STAT3: variants seen among roughly 807,000 people sequenced by gnomAD.
STAT3 encodes signal transducer and activator of transcription 3, also known as DNA-binding protein APRF.
STAT3 carries 7 observed loss-of-function variants against 114.3 expected under a neutral mutation model. The ratio of observed to expected loss-of-function variants is 0.06; its 90% CI spans 0.03 to 0.11. The LOEUF (loss-of-function observed/expected upper bound fraction) is 0.11. Ranked by LOEUF, STAT3 falls within the 10% of genes least tolerant of loss-of-function variation. The pLI, the probability that STAT3 is intolerant of heterozygous loss-of-function variation, is 1.00. For missense variants in STAT3, 364 were observed against 960.9 expected (o/e 0.38, Z 8.21); for synonymous variants, 331 against 354.5 (o/e 0.93, Z 0.74).
At chr17:42,329,813 C>T in intron 11 of STAT3, 37 bp from the exon 12 acceptor site, 1 of 1,612,578 alleles carries the variant, frequency 6.2e-7, no homozygotes, top group South Asian at 1.1e-5. Context: ...AAAATAGGCT[C>T]TGTGTTTCTT....
chr17:42,340,559 G>A (rs2082404435), intron 4 of STAT3, among the ~76,000 whole-genome samples: 1 of 151,768 alleles, frequency 6.6e-6, no homozygotes, highest in Admixed American at 6.6e-5. Context: ...GCATATACCT[G>A]TAGTTCTAGC....
intron 1 of STAT3, among the ~76,000 whole-genome samples, chr17:42,370,273 T>C (rs962933986): frequency 2.1e-5 from 3 of 140,732 alleles, no homozygotes; most frequent in Non-Finnish European, 4.6e-5. Flanking sequence ...TGAGACAGAG[T>C]CTTGCTCTGT....
chr17:42,359,129 G>C (rs988360465), intron 1 of STAT3, among the ~76,000 whole-genome samples: 1 of 151,802 alleles, frequency 6.6e-6, no homozygotes, highest in Non-Finnish European at 1.5e-5. Flanking sequence ...TAAAGAGGGG[G>C]TTTCATCGTG....
chr17:42,381,202 C>G (rs916675512), intron 1 of STAT3, among the ~76,000 whole-genome samples: 1 of 152,142 alleles, frequency 6.6e-6, no homozygotes, highest in Non-Finnish European at 1.5e-5. Flanking sequence ...CTCAAACATA[C>G]CAACCAAGTG....
intron 1 of STAT3, among the ~76,000 whole-genome samples, chr17:42,371,969 G>A (rs564440101): frequency 3.9e-5 from 6 of 152,174 alleles, no homozygotes; most frequent in African/African-American, 1.4e-4. Flanking sequence ...GGCAACAAGA[G>A]TGAAACTGTG....
intron 1 of STAT3, among the ~76,000 whole-genome samples, chr17:42,378,952 A>G (rs1423109734): frequency 1.3e-5 from 2 of 152,226 alleles, no homozygotes; most frequent in African/African-American, 4.8e-5. Context: ...CAGGTGCTCA[A>G]GTTCAGACTC....
chr17:42,358,518 G>A (rs1029327853), intron 1 of STAT3, among the ~76,000 whole-genome samples: 3 of 152,126 alleles, frequency 2.0e-5, no homozygotes, highest in African/African-American at 7.2e-5. Context: ...CCTAAGAACA[G>A]GTCTGAGCTC....
intron 2 of STAT3, among the ~76,000 whole-genome samples, chr17:42,347,930 T>C (rs902490716): frequency 2.0e-5 from 3 of 152,202 alleles, no homozygotes; most frequent in Non-Finnish European, 2.9e-5. Flanking sequence ...TCTTTTCTTA[T>C]AAATTACCCA....
intron 1 of STAT3, among the ~76,000 whole-genome samples, chr17:42,353,762 C>T (rs977085831): frequency 1.3e-5 from 2 of 152,092 alleles, no homozygotes. Context: ...TTTGTAGAGA[C>T]AAGGTCTCAT....
intron 11 of STAT3, among the ~76,000 whole-genome samples, chr17:42,331,206 A>C (rs1174845283): frequency 6.6e-6 from 1 of 152,254 alleles, no homozygotes; most frequent in African/African-American, 2.4e-5. Flanking sequence ...TATAATATGC[A>C]TGAATGACAT....
chr17:42,321,554 C>T (rs923881929), intron 21 of STAT3, among the ~76,000 whole-genome samples: 3 of 152,196 alleles, frequency 2.0e-5, no homozygotes, highest in Admixed American at 6.5e-5. Context: ...CCCCTTCAAA[C>T]GTGATGCTCC....
intron 4 of STAT3, among the ~76,000 whole-genome samples, chr17:42,345,222 G>A (rs964846443): frequency 5.3e-5 from 8 of 151,050 alleles, no homozygotes; most frequent in African/African-American, 1.5e-4. Flanking sequence ...CCAAGATCGC[G>A]CCATTGCACT....
In STAT3 at chr17:42,341,745, G is replaced by A. The variant is rs561438091; in HGVS notation, c.373-2336C>T. On this transcript the variant is annotated intron_variant, in intron 4 of 23. Transcript: ENST00000264657. ...CAAACTTTTTCTCTAAGGGACAGAG[G>A]GTAAATATTTTTGGTTTCCTGGGTC... Among the ~76,000 whole-genome samples the A allele has an allele frequency of 8.5e-5, 13 of 152,110 alleles. No individual in the cohort carries two copies. The South Asian group carries it at 2.7e-3, about 32-fold the overall frequency.
At chr17:42,362,178 T>C (rs1182622232) in intron 1 of STAT3, among the ~76,000 whole-genome samples, 1 of 152,192 alleles carries the variant, frequency 6.6e-6, no homozygotes, top group Non-Finnish European at 1.5e-5. Context: ...TATAAATTAC[T>C]GTCAAGCTCG....
At chr17:42,373,409 G>A (rs376866152) in intron 1 of STAT3, among the ~76,000 whole-genome samples, 4 of 151,300 alleles carry the variant, frequency 2.6e-5, no homozygotes, top group East Asian at 2.0e-4. Context: ...AAAACTAGCC[G>A]GGTATGGTGG....
chr17:42,381,754 T>C (rs148283321), intron 1 of STAT3, among the ~76,000 whole-genome samples: 1 of 150,738 alleles, frequency 6.6e-6, no homozygotes, highest in African/African-American at 2.4e-5. Flanking sequence ...AAAAAGGAAT[T>C]TGGAATAAAT....
rs996965962 is a variant in STAT3, at chr17:42,333,040, G to A, written c.1049+633C>T. On this transcript the variant is annotated intron_variant, in intron 10 of 23. Coordinates refer to ENST00000264657, the MANE Select transcript of STAT3 (RefSeq NM_139276.3). This position sits in a 1 kb window ranked among gnomAD's most constrained non-coding sequence, Gnocchi z 5.2. ...TGAGTATCACTCCTTCAAGCCAAAG[G>A]TACTGAGAAAACATCTAAGAACTAA... is the stretch of plus-strand genomic sequence containing the variant. Among the ~76,000 whole-genome samples the A allele has an allele frequency of 6.6e-6, 1 of 152,098 alleles. No individual in the cohort carries two copies. The highest frequency in any genetic ancestry group is 6.6e-5 in the Admixed American group (1 of 15,254).
At chr17:42,321,443 CAT>C (rs2081479929) in intron 21 of STAT3, among the ~76,000 whole-genome samples, 2 of 151,980 alleles carry the variant, frequency 1.3e-5, no homozygotes, top group African/African-American at 2.4e-5. Context: ...TTATATATAA[CAT>C]ATAAGTACAT....
In STAT3 at chr17:42,314,192, C is replaced by CCT; in HGVS notation, c.*1552_*1553insAG. 1 of 232,598 alleles carries CCT rather than the reference C, an allele frequency of 4.3e-6. No individual in the cohort carries two copies. The allele number at this position is 232,598 out of a possible 1,614,324, so 14.4% of individuals were successfully genotyped here. On this transcript the variant is annotated 3_prime_UTR_variant, in exon 24 of 24. Coordinates refer to ENST00000264657, the MANE Select transcript of STAT3 (RefSeq NM_139276.3). Reference sequence around the variant, plus strand: ...GGGAGGCCAGGTATACACCCTCATACGAGGGCAGACTCAAGTTTATCAGTA... The same window carrying CCT: ...GGGAGGCCAGGTATACACCCTCATACCTGAGGGCAGACTCAAGTTTATCAGTA...
Sources: allele counts gnomAD v4.1 joint callset (sites outside exome capture counted in the v4.1 genomes callset), GRCh38; gene constraint gnomAD v4.1.1; non-coding constraint Gnocchi (gnomAD v3.1); transcripts MANE v1.5; gene names NCBI Gene and HGNC (gene_info 2026-07-23, HGNC 2026-07-21).